The following TTLL5 variants were observed in gnomAD, a reference collection of about 807,000 sequenced individuals.
TTLL5 encodes the protein tubulin tyrosine ligase like 5, also known as tubulin polyglutamylase TTLL5.
TTLL5 carries 132 observed loss-of-function variants against 168.4 expected under a neutral mutation model. The observed-to-expected ratio is 0.78, with a 90% CI of 0.68 to 0.91. TTLL5 has a LOEUF of 0.91. TTLL5 is among the 40% of genes least tolerant of loss of function. TTLL5 has a pLI of 0.00. For synonymous variants in TTLL5, 546 were observed against 558.6 expected (o/e 0.98, Z 0.32); for missense variants, 1,545 against 1,581.5 (o/e 0.98, Z 0.39).
chr14:75,790,767 G>A (rs1892651828), intron 26 of TTLL5, among the ~76,000 whole-genome samples: 1 of 150,818 alleles, frequency 6.6e-6, no homozygotes, highest in Non-Finnish European at 1.5e-5. Flanking sequence ...TCCCGGCCCA[G>A]GAACTTTTTT....
intron 28 of TTLL5, among the ~76,000 whole-genome samples, chr14:75,860,368 T>G (rs1437650617): frequency 1.3e-5 from 2 of 152,214 alleles, no homozygotes; most frequent in Admixed American, 6.5e-5. Flanking sequence ...TATTTGTTAT[T>G]AAAACAGCTT....
chr14:75,663,309 C>G (rs1433458226), intron 2 of TTLL5, 86 bp downstream of exon 2: 2 of 1,274,980 alleles, frequency 1.6e-6, no homozygotes, highest in Admixed American at 2.1e-5. Flanking sequence ...ATATACTCTT[C>G]TCTTTTACTT....
intron 7 of TTLL5, among the ~76,000 whole-genome samples, chr14:75,702,440 A>G (rs8018302): frequency 1.3e-3 from 200 of 152,348 alleles, no homozygotes; most frequent in African/African-American, 4.4e-3. Context: ...AAAGTCAGCT[A>G]TGGTACAAGT....
intron 5 of TTLL5, 62 bp downstream of exon 5, chr14:75,683,718 A>G (rs1158294699): frequency 7.6e-7 from 1 of 1,320,354 alleles, no homozygotes; most frequent in Non-Finnish European, 1.1e-6. Context: ...GCATGTAGCC[A>G]GCAAAGGTAA....
In TTLL5 at chr14:75,954,484, C is replaced by A; in HGVS notation, c.*38C>A. 2 of 1,611,410 alleles carry A rather than the reference C, an allele frequency of 1.2e-6. No individual in the cohort carries two copies. The highest frequency in any genetic ancestry group is 8.5e-7 in the Non-Finnish European group (1 of 1,177,778). On this transcript the variant is annotated 3_prime_UTR_variant, in exon 32 of 32. Coordinates refer to ENST00000298832, the MANE Select transcript of TTLL5 (RefSeq NM_015072.5). ...CAGAGAAACAACCTGTTCACCACTC[C>A]TGGGTGCATGATTGAGGGTGAAGCA...
chr14:75,666,672 G>A (rs930244451), intron 2 of TTLL5, among the ~76,000 whole-genome samples: 3 of 152,178 alleles, frequency 2.0e-5, no homozygotes, highest in Non-Finnish European at 4.4e-5. Flanking sequence ...AGTGGGCTTA[G>A]ATAAACAGAA....
At position 75,882,985 on chromosome 14, in the gene TTLL5, G is replaced by A. The variant is rs148313512; in HGVS notation, c.3740+83G>A. 3,080 of 1,405,842 alleles carry A rather than the reference G, an allele frequency of 2.2e-3. 11 individuals are homozygous for A. The highest frequency in any genetic ancestry group is 0.014 in the Middle Eastern group (79 of 5,504). 87.1% of individuals were successfully genotyped at this position (1,405,842 alleles called of 1,614,324 possible). A position where few individuals can be genotyped will look rare whatever the true frequency, so the allele number is the denominator to read the frequency against. ...TCTTTATTTATTACTCTTCAAGACC[G>A]TTCGTACTGAAGTACTGGAAACAAG... On this transcript the variant is annotated intron_variant, in intron 30 of 31. Transcript: ENST00000298832.
chr14:75,888,985 C>A (rs1033602685), intron 30 of TTLL5, among the ~76,000 whole-genome samples: 1 of 151,318 alleles, frequency 6.6e-6, no homozygotes, highest in Non-Finnish European at 1.5e-5. Context: ...CTTCTAACCT[C>A]TGGAATGAGT....
Position 75,783,255 on chromosome 14 carries a change from C to T in TTLL5, c.2711C>T (p.Thr904Ile), listed in dbSNP as rs768247311. ...CCCAACACCCATTTGTCATCTGTTACAACCTCTGACCTCTCTCCAGGGCCT... is the reference window on the plus strand; with the variant it reads ...CCCAACACCCATTTGTCATCTGTTATAACCTCTGACCTCTCTCCAGGGCCT... Reference protein sequence around the residue: ...KIPNTHLSSVTTSDLSPGPCH... With the variant: ...KIPNTHLSSVITSDLSPGPCH... The change falls in exon 26 of 32, where the codon ACA becomes ATA. Residue 904 changes from threonine to isoleucine, a missense_variant. Thr to Ile is a moderately conservative substitution (Grantham distance 89, BLOSUM62 -1). Transcript: ENST00000298832. 1 of 1,614,230 alleles carries T rather than the reference C, an allele frequency of 6.2e-7. No individual in the cohort carries two copies. The highest frequency in any genetic ancestry group is 8.5e-7 in the Non-Finnish European group (1 of 1,180,034).
rs181381483 is a variant in TTLL5, at chr14:75,861,286, C to T, written c.3327-2381C>T. Among the ~76,000 whole-genome samples, 45 of 152,108 alleles carry T rather than the reference C, an allele frequency of 3.0e-4. No homozygotes were observed. In the East Asian group the frequency reaches 8.7e-3, roughly 29 times the overall value. On this transcript the variant is annotated intron_variant, in intron 28 of 31. Coordinates refer to ENST00000298832, the MANE Select transcript of TTLL5 (RefSeq NM_015072.5). Reference sequence around the variant, plus strand: ...GAAAGAATACAGTTCACGGACTTACCCTTAACGAGAGATTTGGAAATCTCT... The same window carrying T: ...GAAAGAATACAGTTCACGGACTTACTCTTAACGAGAGATTTGGAAATCTCT...
chr14:75,734,315 G>A lies in TTLL5; in HGVS notation c.1186+265G>A, dbSNP rs115002641. Among the ~76,000 whole-genome samples, 253 of 152,336 alleles carry A rather than the reference G, an allele frequency of 1.7e-3. 2 individuals are homozygous for A. Among genetic ancestry groups the A allele is most frequent in the African/African-American group, 5.8e-3 (241 of 41,582 alleles). On this transcript the variant is annotated intron_variant, in intron 14 of 31. Transcript: ENST00000298832. ...GAGAATTAGCAAAGATCTGGAGAAAGTGTATTTTTCTCCAAGCTGGGAAAG... is the reference window on the plus strand; with the variant it reads ...GAGAATTAGCAAAGATCTGGAGAAAATGTATTTTTCTCCAAGCTGGGAAAG...
intron 27 of TTLL5, among the ~76,000 whole-genome samples, chr14:75,809,379 A>G (rs1000998361): frequency 6.6e-6 from 1 of 152,148 alleles, no homozygotes; most frequent in Admixed American, 6.5e-5. Flanking sequence ...CATTCTTTAT[A>G]TATTTCAGTG....
chr14:75,691,060 C>T (rs1885426290), intron 6 of TTLL5, among the ~76,000 whole-genome samples: 1 of 152,070 alleles, frequency 6.6e-6, no homozygotes, highest in Admixed American at 6.5e-5. Context: ...GTAGAGATAT[C>T]GCATATCTTT....
At chr14:75,734,251 A>T (rs1888745016) in intron 14 of TTLL5, among the ~76,000 whole-genome samples, 1 of 152,240 alleles carries the variant, frequency 6.6e-6, no homozygotes. Context: ...ACCACAACTA[A>T]GGCTGAGACC....
chr14:75,721,719 G>A (rs985193503), intron 12 of TTLL5, among the ~76,000 whole-genome samples: 9 of 152,116 alleles, frequency 5.9e-5, no homozygotes, highest in Non-Finnish European at 1.3e-4. Flanking sequence ...GATGATGCAC[G>A]CAAAGCACTT....
intron 29 of TTLL5, among the ~76,000 whole-genome samples, chr14:75,877,517 G>A (rs559995445): frequency 2.0e-5 from 3 of 152,286 alleles, no homozygotes; most frequent in African/African-American, 7.2e-5. Context: ...TCTTCTTGCT[G>A]TAGTATGGCT....
At chr14:75,795,423 A>G (rs914804305) in intron 27 of TTLL5, among the ~76,000 whole-genome samples, 1 of 152,108 alleles carries the variant, frequency 6.6e-6, no homozygotes, top group African/African-American at 2.4e-5. Flanking sequence ...TGGGGTACAT[A>G]CGATTTTTTT....
rs1857260748 is a variant in TTLL5, at chr14:75,810,397, C to T, written c.3172-9610C>T. On this transcript the variant is annotated intron_variant, in intron 27 of 31. Coordinates refer to ENST00000298832, the MANE Select transcript of TTLL5 (RefSeq NM_015072.5). ...ACAGGATCTTGCTCTGTCACCCAGGCTAGAGTGCCACCCAGGCTGGAGTAC... is the reference window on the plus strand; with the variant it reads ...ACAGGATCTTGCTCTGTCACCCAGGTTAGAGTGCCACCCAGGCTGGAGTAC... Among the ~76,000 whole-genome samples the T allele has an allele frequency of 2.0e-5, 3 of 152,198 alleles. No homozygotes were observed. The South Asian group carries it at 6.2e-4, about 32-fold the overall frequency.
chr14:75,726,262 A>G (rs999165393), intron 12 of TTLL5, among the ~76,000 whole-genome samples: 2 of 152,128 alleles, frequency 1.3e-5, no homozygotes, highest in African/African-American at 4.8e-5. Context: ...TAATATGTAA[A>G]GTTTCCTAAG....
Sources: gnomAD v4.1 joint callset for allele counts (sites outside exome capture counted in the v4.1 genomes callset) on GRCh38, gnomAD v4.1.1 for gene constraint, MANE v1.5 for transcripts, NCBI Gene and HGNC (gene_info 2026-07-23, HGNC 2026-07-21) for gene names.